The following ENPP2 variants were observed in gnomAD, a reference collection of about 807,000 sequenced individuals.
ENPP2 encodes autotaxin.
A neutral mutation model predicts 120.2 loss-of-function variants in ENPP2; 51 were observed. That is an observed-to-expected ratio of 0.42 (90% CI 0.34 to 0.54). ENPP2 has a LOEUF of 0.54. Ranked by LOEUF, ENPP2 falls within the 20% of genes least tolerant of loss-of-function variation. The probability of loss-of-function intolerance (pLI) is 0.04; values close to 1 mark genes in which losing one functional copy is unlikely to be tolerated. For missense variants in ENPP2, 920 were observed against 1,066.5 expected, an observed-to-expected ratio of 0.86 and a Z score of 1.91; for synonymous variants, 365 against 366.4, an observed-to-expected ratio of 1.00 and a Z score of 0.04.
At chr8:119,635,699 T>A (rs925421691) in intron 2 of ENPP2, among the ~76,000 whole-genome samples, 8 of 152,220 alleles carry the variant, frequency 5.3e-5, no homozygotes, top group Non-Finnish European at 1.5e-5. Context: ...CCCAACAGAA[T>A]TATAAGTAGC....
Position 119,644,661 on chromosome 8 carries a change from T to G in ENPP2, c.22-6134A>C, listed in dbSNP as rs528703451. On this transcript the variant is annotated intron_variant, in intron 1 of 25. Coordinates refer to the ENPP2 transcript ENST00000427067. ...ACACACACACACATATAGATATATATATATATATACACACACACATATATA... is the reference window on the plus strand; with the variant it reads ...ACACACACACACATATAGATATATAGATATATATACACACACACATATATA... Among the ~76,000 whole-genome samples the G allele has an allele frequency of 1.6e-3, 232 of 143,304 alleles. 1 individual carries two copies. In the South Asian group the frequency reaches 0.018, roughly 11 times the overall value. The allele number at this position is 143,304 out of a possible 152,430, so 94.0% of individuals were successfully genotyped here.
chr8:119,567,421 G>A (rs1441979234), intron 22 of ENPP2, among the ~76,000 whole-genome samples: 1 of 152,170 alleles, frequency 6.6e-6, no homozygotes, highest in Non-Finnish European at 1.5e-5. Context: ...TTTCACAAAT[G>A]AGAGATTTAA....
Position 119,560,869 on chromosome 8 carries a change from C to A in ENPP2, c.2421+1988G>T, listed in dbSNP as rs1023480192. ...TAGCTATAAATTTCTCAACAGTTAA[C>A]AAAAAGGCAGGGGAGAGATCATATA... On this transcript the variant is annotated intron_variant, in intron 24 of 24. Coordinates refer to ENST00000075322, the MANE Select transcript of ENPP2 (RefSeq NM_001040092.3). 1.6e-4 allele frequency among the ~76,000 whole-genome samples: 25 copies of A among 151,714 alleles called. No homozygotes were observed. The East Asian group carries it at 4.8e-3, about 29-fold the overall frequency.
At chr8:119,640,476 A>C (rs1817245491), upstream of ENPP2, among the ~76,000 whole-genome samples, 2 of 152,218 alleles carry the variant, frequency 1.3e-5, no homozygotes, top group Admixed American at 1.3e-4. Context: ...ATGTTCTAAA[A>C]ACAAAAACAG....
At chr8:119,608,461 A>G (rs960321795) in intron 8 of ENPP2, among the ~76,000 whole-genome samples, 23 of 152,216 alleles carry the variant, frequency 1.5e-4, no homozygotes, top group Admixed American at 7.2e-4. Context: ...GAGAAGGGGG[A>G]AAAAGGCTAA....
At chr8:119,669,758 G>A (rs1818186612) in intron 1 of ENPP2, among the ~76,000 whole-genome samples, 1 of 152,134 alleles carries the variant, frequency 6.6e-6, no homozygotes, top group South Asian at 2.1e-4. Flanking sequence ...GAGAAGAGTA[G>A]TGTGTATCTA....
intron 1 of ENPP2, among the ~76,000 whole-genome samples, chr8:119,668,664 T>C (rs1818151852): frequency 6.6e-6 from 1 of 152,072 alleles, no homozygotes; most frequent in Non-Finnish European, 1.5e-5. Flanking sequence ...CTTGACCTTG[T>C]GATCCACCCG....
intron 8 of ENPP2, among the ~76,000 whole-genome samples, chr8:119,609,943 G>A (rs1016825761): frequency 3.3e-5 from 5 of 152,106 alleles, no homozygotes; most frequent in African/African-American, 1.2e-4. Context: ...GCTGATGTTG[G>A]CATCATTAGG....
rs745616088 is a variant in ENPP2, at chr8:119,638,753, A to C, written c.28T>G (p.Cys10Gly). Reference protein sequence around the residue: MARRSSFQSCQIISLFTFAV... With the variant: MARRSSFQSGQIISLFTFAV... Reference sequence around the variant, plus strand: ...TCATTCCTCCGTTCTCCCACCTGACACGACTGGAACGAGCTCCTCCTTGCC... The same window carrying C: ...TCATTCCTCCGTTCTCCCACCTGACCCGACTGGAACGAGCTCCTCCTTGCC... Residue 10 changes from cysteine to glycine, a missense_variant, in exon 1 of 25, where the codon TGT becomes GGT. By Grantham distance (159) the Cys-to-Gly change is radical. Transcript: ENST00000075322. 2.5e-6 allele frequency: 4 copies of C among 1,589,826 alleles called. No individual in the cohort carries two copies. Among genetic ancestry groups the C allele is most frequent in the Non-Finnish European group, 3.5e-6 (4 of 1,157,782 alleles).
chr8:119,568,316 A>AAAG, intron 21 of ENPP2, 64 bp from the exon 22 acceptor site: 1 of 894,298 alleles, frequency 1.1e-6, no homozygotes, highest in Non-Finnish European at 1.8e-6. Context: ...TAAAAAAAAA[A>AAAG]GGGAGAGGGG....
At chr8:119,590,667 A>C in intron 12 of ENPP2, 37 bp from the exon 13 acceptor site, 1 of 1,435,552 alleles carries the variant, frequency 7.0e-7, no homozygotes. Context: ...TTCAGGCAAG[A>C]CTAAAACGAA....
At chr8:119,642,559 C>A (rs939736875), upstream of ENPP2, among the ~76,000 whole-genome samples, 1 of 152,078 alleles carries the variant, frequency 6.6e-6, no homozygotes, top group African/African-American at 2.4e-5. Flanking sequence ...TTATGCCCTG[C>A]ATGTTGAATT....
At chr8:119,612,512 A>G (rs1801621161) in intron 8 of ENPP2, among the ~76,000 whole-genome samples, 1 of 152,118 alleles carries the variant, frequency 6.6e-6, no homozygotes, top group South Asian at 2.1e-4. Context: ...GCAGTCATTC[A>G]CTAAAATGGC....
intron 13 of ENPP2, 97 bp downstream of exon 13, chr8:119,590,408 G>T: frequency 9.8e-7 from 1 of 1,016,496 alleles, no homozygotes; most frequent in Non-Finnish European, 1.4e-6. Flanking sequence ...AGCAGAGCCA[G>T]AATTTTTACC....
At chr8:119,572,068 T>G in intron 19 of ENPP2, 1 of 755,508 alleles carries the variant, frequency 1.3e-6, no homozygotes, top group Non-Finnish European at 2.2e-6. Flanking sequence ...AATCTGACAA[T>G]ATTAAATAAA....
At chr8:119,603,013 A>G (rs1814425623) in intron 9 of ENPP2, among the ~76,000 whole-genome samples, 1 of 152,178 alleles carries the variant, frequency 6.6e-6, no homozygotes, top group South Asian at 2.1e-4. Flanking sequence ...CTATCACACA[A>G]GACCAGAAAA....
intron 11 of ENPP2, among the ~76,000 whole-genome samples, chr8:119,598,313 T>A (rs1814047238): frequency 1.3e-5 from 2 of 152,292 alleles, no homozygotes; most frequent in South Asian, 4.1e-4. Context: ...AGATACCCAA[T>A]TAAGAGTTTA....
chr8:119,605,125 G>A (rs1302261849), intron 9 of ENPP2, among the ~76,000 whole-genome samples: 1 of 152,070 alleles, frequency 6.6e-6, no homozygotes, highest in Non-Finnish European at 1.5e-5. Flanking sequence ...AGGCTGGGGT[G>A]CAGTGGTGCC....
intron 15 of ENPP2, among the ~76,000 whole-genome samples, chr8:119,584,835 A>C (rs541147849): frequency 3.6e-4 from 55 of 152,324 alleles, no homozygotes; most frequent in Middle Eastern, 3.4e-3. Flanking sequence ...TTTCCTAAGT[A>C]CCTATGGGTA....
Sources: allele counts gnomAD v4.1 joint callset (sites outside exome capture counted in the v4.1 genomes callset), GRCh38; gene constraint gnomAD v4.1.1; transcripts MANE v1.5; gene names NCBI Gene and HGNC (gene_info 2026-07-23, HGNC 2026-07-21).